Variants in KCNQ1 observed in about 807,000 individuals in gnomAD.
The protein encoded by KCNQ1 is potassium voltage-gated channel subfamily KQT member 1.
A neutral mutation model predicts 72.4 loss-of-function variants in KCNQ1; 49 were observed. The observed-to-expected ratio is 0.68, with a 90% CI of 0.54 to 0.86. The LOEUF is 0.86. Among genes scored for constraint, KCNQ1 ranks in the 40% least tolerant of loss-of-function variants. KCNQ1 has a pLI of 0.00. For synonymous variants in KCNQ1, 450 were observed against 412.6 expected (o/e 1.09, Z -1.10); for missense variants, 790 against 945.1 (o/e 0.84, Z 2.15).
chr11:2,678,794 G>T lies in KCNQ1; in HGVS notation c.1514+16713G>T, dbSNP rs947611164. The T allele has an allele frequency of 1.3e-5, 5 of 398,468 alleles. No homozygotes were observed. Among genetic ancestry groups the T allele is most frequent in the Admixed American group, 4.4e-5 (1 of 22,708 alleles). 24.7% of individuals were successfully genotyped at this position (398,468 alleles called of 1,614,324 possible). On this transcript the variant is annotated intron_variant, in intron 11 of 15. Transcript: ENST00000155840. The surrounding 1 kb of genome is among the most constrained non-coding windows in gnomAD (Gnocchi z 4.9). Reference sequence around the variant, plus strand: ...TCATCGTGGCAGCTAATAATGTCAGGGAGCATGAGCACTTGTTTCTTCCAA... The same window carrying T: ...TCATCGTGGCAGCTAATAATGTCAGTGAGCATGAGCACTTGTTTCTTCCAA...
rs1848194008 is a variant in KCNQ1, at chr11:2,562,805, A to T, written c.478-7823A>T. ...GGCCGGCTGTGTTTCTGCATCCTTG[A>T]CCCTGGCCCCTTCCACAAAGCTCAG... On this transcript the variant is annotated intron_variant, in intron 2 of 15. Coordinates refer to ENST00000155840, the MANE Select transcript of KCNQ1 (RefSeq NM_000218.3). This position sits in a 1 kb window ranked among gnomAD's most constrained non-coding sequence, Gnocchi z 7.5. Among the ~76,000 whole-genome samples, 2 of 151,908 alleles carry T rather than the reference A, an allele frequency of 1.3e-5. No individual in the cohort carries two copies. The highest frequency in any genetic ancestry group is 1.3e-4 in the Admixed American group (2 of 15,252).
chr11:2,619,281 C>T (rs1404286875), intron 10 of KCNQ1: 1 of 398,342 alleles, frequency 2.5e-6, no homozygotes, highest in Non-Finnish European at 4.4e-6. Flanking sequence ...CTTCTGTTTT[C>T]CCTCATTGAT....
At chr11:2,814,132 T>A (rs1847554848) in intron 15 of KCNQ1, among the ~76,000 whole-genome samples, 1 of 125,486 alleles carries the variant, frequency 8.0e-6, no homozygotes, top group Non-Finnish European at 1.6e-5. Context: ...GATGGGTGGA[T>A]AATGGATGGA....
At chr11:2,649,233 G>C in intron 10 of KCNQ1, 1 of 397,980 alleles carries the variant, frequency 2.5e-6, no homozygotes, top group Non-Finnish European at 4.4e-6. Flanking sequence ...CAATAGGTGA[G>C]GACTTACTCC....
chr11:2,581,525 T>C (rs188169153), intron 6 of KCNQ1, among the ~76,000 whole-genome samples: 1 of 152,332 alleles, frequency 6.6e-6, no homozygotes, highest in Admixed American at 6.5e-5. Context: ...TGCCAGCCAC[T>C]GTCAGCCTCA....
intron 1 of KCNQ1, among the ~76,000 whole-genome samples, chr11:2,513,920 C>T (rs537001084): frequency 2.0e-5 from 3 of 152,324 alleles, no homozygotes; most frequent in African/African-American, 4.8e-5. Flanking sequence ...GCCTCTGATG[C>T]CCCCCGGCCT....
At chr11:2,672,776 G>A (rs962474519) in intron 11 of KCNQ1, 1 of 398,754 alleles carries the variant, frequency 2.5e-6, no homozygotes, top group Non-Finnish European at 4.4e-6. Flanking sequence ...TCTCCTCCCC[G>A]CAACAGATCC....
intron 1 of KCNQ1, among the ~76,000 whole-genome samples, chr11:2,459,057 T>C (rs1846237024): frequency 1.3e-5 from 2 of 151,850 alleles, no homozygotes; most frequent in African/African-American, 4.9e-5. Flanking sequence ...GTTGGGATGC[T>C]TTTGTGAATG....
intron 15 of KCNQ1, among the ~76,000 whole-genome samples, chr11:2,792,581 G>A (rs1847049567): frequency 6.6e-6 from 1 of 152,184 alleles, no homozygotes; most frequent in South Asian, 2.1e-4. Context: ...GCGGGTGAGG[G>A]AGCGCATCCT....
Position 2,651,765 on chromosome 11 carries a change from T to G in KCNQ1, c.1394-10196T>G. ...CTCTGATTACTGGAAATTCCTCAAG[T>G]GTTGACCATTTTGATTCCTGGGCCC... On this transcript the variant is annotated intron_variant, in intron 10 of 15. Coordinates refer to ENST00000155840, the MANE Select transcript of KCNQ1 (RefSeq NM_000218.3). This position sits in a 1 kb window ranked among gnomAD's most constrained non-coding sequence, Gnocchi z 6.1. The G allele has an allele frequency of 2.5e-6, 1 of 398,666 alleles. No individual in the cohort carries two copies. The highest frequency in any genetic ancestry group is 4.4e-6 in the Non-Finnish European group (1 of 226,088). 24.7% of individuals were successfully genotyped at this position (398,666 alleles called of 1,614,324 possible). A position where few individuals can be genotyped will look rare whatever the true frequency, so the allele number is the denominator to read the frequency against.
chr11:2,458,821 T>C lies in KCNQ1; in HGVS notation c.386+13337T>C, dbSNP rs1207436741. Among the ~76,000 whole-genome samples the C allele has an allele frequency of 6.6e-6, 1 of 152,188 alleles. No individual in the cohort carries two copies. Among genetic ancestry groups the C allele is most frequent in the Non-Finnish European group, 1.5e-5 (1 of 68,034 alleles). ...GTGGGGGATGGCTCTGTAGGACACA[T>C]GACCTGATTTCCTCAGTAAGTCAAT... On this transcript the variant is annotated intron_variant, in intron 1 of 15. Transcript: ENST00000155840. This position sits in a 1 kb window ranked among gnomAD's most constrained non-coding sequence, Gnocchi z 4.6.
rs1051778166 is a variant in KCNQ1, at chr11:2,664,220, C to T, written c.1514+2139C>T. ...GGCAGGAAGGAGCCCAGGCATGGGG[C>T]TTGGGGTGAGGGATCTGAAGAGGGG... On this transcript the variant is annotated intron_variant, in intron 11 of 15. Coordinates refer to ENST00000155840, the MANE Select transcript of KCNQ1 (RefSeq NM_000218.3). The surrounding 1 kb of genome is among the most constrained non-coding windows in gnomAD (Gnocchi z 5.1). The T allele has an allele frequency of 2.8e-5, 11 of 398,652 alleles. No individual in the cohort carries two copies. Among genetic ancestry groups the T allele is most frequent in the African/African-American group, 2.3e-4 (11 of 48,576 alleles). 24.7% of individuals were successfully genotyped at this position (398,652 alleles called of 1,614,324 possible).
At position 2,769,019 on chromosome 11, in the gene KCNQ1, G is replaced by A. The variant is rs1049695346; in HGVS notation, c.1590+100G>A. The A allele has an allele frequency of 9.7e-7, 1 of 1,026,136 alleles. No individual in the cohort carries two copies. The highest frequency in any genetic ancestry group is 1.5e-6 in the Non-Finnish European group (1 of 658,818). The allele number at this position is 1,026,136 out of a possible 1,614,324, so 63.6% of individuals were successfully genotyped here. A position where few individuals can be genotyped will look rare whatever the true frequency, so the allele number is the denominator to read the frequency against. On this transcript the variant is annotated intron_variant, in intron 12 of 15. Coordinates refer to ENST00000155840, the MANE Select transcript of KCNQ1 (RefSeq NM_000218.3). This position sits in a 1 kb window ranked among gnomAD's most constrained non-coding sequence, Gnocchi z 4.6. ...GGTTCTCTCCTGCCCATAGTGGAGG[G>A]TGTCAAGGCCTCCGCCCCCAAGCCA...
At chr11:2,496,495 C>CTTTTTTTTTGTTTT in intron 1 of KCNQ1, among the ~76,000 whole-genome samples, 1 of 29,830 alleles carries the variant, frequency 3.4e-5, no homozygotes, top group Non-Finnish European at 6.2e-5. Flanking sequence ...ACAACCCCTG[C>CTTTTTTTTTGTTTT]TTTTTTTTTT....
chr11:2,798,391 G>C (rs571416591), intron 15 of KCNQ1, among the ~76,000 whole-genome samples: 1 of 152,102 alleles, frequency 6.6e-6, no homozygotes, highest in African/African-American at 2.4e-5. Context: ...ATGGTCATCT[G>C]AGCCGTTCCC....
chr11:2,590,801 TC>T (rs1372851897), intron 10 of KCNQ1, among the ~76,000 whole-genome samples: 1 of 152,130 alleles, frequency 6.6e-6, no homozygotes, highest in Admixed American at 6.5e-5. Flanking sequence ...TGTGGCCCAG[TC>T]CCTTGGAGGC....
chr11:2,619,949 G>A (rs1849137576), intron 10 of KCNQ1: 1 of 356,140 alleles, frequency 2.8e-6, no homozygotes, highest in Non-Finnish European at 4.9e-6. Context: ...GGTTTGGAGT[G>A]TGGATAAGCC....
intron 10 of KCNQ1, chr11:2,649,088 A>G: frequency 2.6e-6 from 1 of 388,746 alleles, no homozygotes; most frequent in Non-Finnish European, 4.4e-6. Context: ...ATTCCCTTAC[A>G]GTCTATGGGT....
Position 2,588,985 on chromosome 11 carries a change from G to A in KCNQ1, c.1393+131G>A, listed in dbSNP as rs1268668985. The A allele has an allele frequency of 1.7e-5, 19 of 1,127,102 alleles. No individual in the cohort carries two copies. Among genetic ancestry groups the A allele is most frequent in the East Asian group, 7.7e-5 (3 of 39,178 alleles). The allele number at this position is 1,127,102 out of a possible 1,614,324, so 69.8% of individuals were successfully genotyped here. On this transcript the variant is annotated intron_variant, in intron 10 of 15. Transcript: ENST00000155840. The surrounding 1 kb of genome is among the most constrained non-coding windows in gnomAD (Gnocchi z 5.6). Reference sequence around the variant, plus strand: ...ACAACGAGGTATGAACAGACAGAGGGTGGAGCTTCTAGAAACTTCTGTAAA... The same window carrying A: ...ACAACGAGGTATGAACAGACAGAGGATGGAGCTTCTAGAAACTTCTGTAAA...
Sources: gnomAD v4.1 joint callset for allele counts (sites outside exome capture counted in the v4.1 genomes callset) on GRCh38, gnomAD v4.1.1 for gene constraint, Gnocchi (gnomAD v3.1) non-coding constraint, MANE v1.5 for transcripts, NCBI Gene and HGNC (gene_info 2026-07-23, HGNC 2026-07-21) for gene names.